The following SAMD5 variants were observed in gnomAD, a reference collection of about 807,000 sequenced individuals.
The protein encoded by SAMD5 is sterile alpha motif domain-containing protein 5.
A neutral mutation model predicts 11.3 loss-of-function variants in SAMD5; 13 were observed. The ratio of observed to expected loss-of-function variants is 1.15; its 90% CI spans 0.75 to 1.83. SAMD5 has a LOEUF of 1.83. Among genes scored for constraint, SAMD5 ranks in the 40% most tolerant of loss-of-function variants. The probability of loss-of-function intolerance (pLI) is 0.00; values close to 1 mark genes in which losing one functional copy is unlikely to be tolerated. For missense variants in SAMD5, 255 were observed against 239.1 expected, an observed-to-expected ratio of 1.07 and a Z score of -0.44; for synonymous variants, 129 against 111.3, an observed-to-expected ratio of 1.16 and a Z score of -1.00.
chr6:147,584,346 T>C (rs1366924781), intron 1 of SAMD5, among the ~76,000 whole-genome samples: 4 of 152,256 alleles, frequency 2.6e-5, no homozygotes, highest in African/African-American at 9.6e-5. Context: ...TCTTGTATTA[T>C]ATTGATGAGG....
At chr6:147,656,091 G>A (rs1306484491) in intron 1 of SAMD5, among the ~76,000 whole-genome samples, 5 of 152,154 alleles carry the variant, frequency 3.3e-5, no homozygotes, top group Non-Finnish European at 5.9e-5. Context: ...GATAGAGATG[G>A]TCTTTTTATA....
chr6:147,636,859 G>T (rs530777087), intron 1 of SAMD5, among the ~76,000 whole-genome samples: 1 of 152,250 alleles, frequency 6.6e-6, no homozygotes, highest in South Asian at 2.1e-4. Flanking sequence ...TTGTATTATG[G>T]TCCACAGACT....
chr6:147,945,329 T>C, the SAMD5 span, among the ~76,000 whole-genome samples: 5 of 152,210 alleles, frequency 3.3e-5, no homozygotes, highest in Non-Finnish European at 5.9e-5. Flanking sequence ...TACAGTACTA[T>C]CATTTTACCA....
chr6:147,824,608 A>T, the SAMD5 span, among the ~76,000 whole-genome samples: 1 of 152,194 alleles, frequency 6.6e-6, no homozygotes, highest in African/African-American at 2.4e-5. Context: ...AAGAGGAAAA[A>T]TTGCCAAAGG....
intron 1 of SAMD5, among the ~76,000 whole-genome samples, chr6:147,701,097 G>A (rs116771233): frequency 0.021 from 3,173 of 152,204 alleles, 107 homozygotes; most frequent in African/African-American, 0.073. Context: ...TGCATGGGAA[G>A]TTAGGGTTTA....
intron 1 of SAMD5, among the ~76,000 whole-genome samples, chr6:147,654,324 C>A (rs910036906): frequency 2.0e-5 from 3 of 152,054 alleles, no homozygotes; most frequent in African/African-American, 7.2e-5. Context: ...CATAAATACA[C>A]CATCATCACA....
At chr6:147,621,722 C>T (rs1467613200) in intron 1 of SAMD5, among the ~76,000 whole-genome samples, 2 of 152,158 alleles carry the variant, frequency 1.3e-5, no homozygotes, top group African/African-American at 4.8e-5. Context: ...GCTCTCCCTC[C>T]CTTCTGTGGG....
At chr6:147,862,426 T>C in the SAMD5 span, among the ~76,000 whole-genome samples, 2 of 152,274 alleles carry the variant, frequency 1.3e-5, no homozygotes, top group East Asian at 3.9e-4. Context: ...ATATATTTTA[T>C]TTCTTGAGGG....
chr6:147,629,373 C>A (rs182164027), intron 1 of SAMD5, among the ~76,000 whole-genome samples: 28 of 152,008 alleles, frequency 1.8e-4, no homozygotes. Context: ...TATTGGAAGG[C>A]AAATTCAGAC....
At chr6:147,876,465 C>T in the SAMD5 span, among the ~76,000 whole-genome samples, 3 of 152,188 alleles carry the variant, frequency 2.0e-5, no homozygotes, top group Admixed American at 6.5e-5. Context: ...TTTGTATTTT[C>T]ATAGACTTCC....
intron 1 of SAMD5, among the ~76,000 whole-genome samples, chr6:147,522,720 A>G (rs607474): frequency 0.3 from 45,962 of 151,992 alleles, 7,314 homozygotes; most frequent in African/African-American, 0.4. Flanking sequence ...GGTTGTTGTC[A>G]TGATACCACT....
intron 1 of SAMD5, among the ~76,000 whole-genome samples, chr6:147,532,840 T>C (rs1461966763): frequency 6.6e-6 from 1 of 152,192 alleles, no homozygotes; most frequent in Non-Finnish European, 1.5e-5. Context: ...TATAATGAGG[T>C]TATGAATGGG....
At chr6:147,625,038 A>C (rs930347780) in intron 1 of SAMD5, among the ~76,000 whole-genome samples, 1 of 152,230 alleles carries the variant, frequency 6.6e-6, no homozygotes, top group African/African-American at 2.4e-5. Flanking sequence ...GGGTAGAAGC[A>C]GGCGTGACAC....
At chr6:147,891,272 G>A in the SAMD5 span, among the ~76,000 whole-genome samples, 1 of 152,190 alleles carries the variant, frequency 6.6e-6, no homozygotes, top group Non-Finnish European at 1.5e-5. Context: ...AATAGTCTAT[G>A]TATTATTTGT....
the SAMD5 span, among the ~76,000 whole-genome samples, chr6:147,760,390 A>C: frequency 9.9e-5 from 15 of 152,284 alleles, no homozygotes; most frequent in Middle Eastern, 6.8e-3. Flanking sequence ...TGTCATGGAA[A>C]ATGACCCATT....
At chr6:147,880,718 G>C in the SAMD5 span, among the ~76,000 whole-genome samples, 2 of 152,052 alleles carry the variant, frequency 1.3e-5, no homozygotes, top group African/African-American at 4.8e-5. Flanking sequence ...GCTGTTCTCT[G>C]TCTCCTGGGC....
the SAMD5 span, among the ~76,000 whole-genome samples, chr6:147,840,779 A>G: frequency 2.6e-5 from 4 of 152,238 alleles, no homozygotes; most frequent in Non-Finnish European, 1.5e-5. Context: ...TTAGTAAAAT[A>G]TAAAGGGATA....
chr6:147,836,538 C>G, the SAMD5 span, among the ~76,000 whole-genome samples: 2 of 152,258 alleles, frequency 1.3e-5, no homozygotes, highest in East Asian at 3.9e-4. Flanking sequence ...TCACCTAATA[C>G]AAAGCCTATT....
chr6:147,790,069 T>G, the SAMD5 span, among the ~76,000 whole-genome samples: 1 of 152,208 alleles, frequency 6.6e-6, no homozygotes, highest in Admixed American at 6.5e-5. Context: ...GCAGTTGTGC[T>G]CCTAAGTCTT....
Sources: allele counts gnomAD v4.1 joint callset (sites outside exome capture counted in the v4.1 genomes callset), GRCh38; gene constraint gnomAD v4.1.1; transcripts MANE v1.5; gene names NCBI Gene and HGNC (gene_info 2026-07-23, HGNC 2026-07-21).